The following SPAG16 variants were observed in gnomAD, a reference collection of about 807,000 sequenced individuals.
SPAG16 encodes the protein sperm associated antigen 16.
A neutral mutation model predicts 80.4 loss-of-function variants in SPAG16; 86 were observed. The observed-to-expected ratio is 1.07, with a 90% CI of 0.90 to 1.28. SPAG16 has a LOEUF of 1.28. Ranked by LOEUF, SPAG16 falls within the 50% of genes most tolerant of loss-of-function variation. The pLI, the probability that SPAG16 is intolerant of heterozygous loss-of-function variation, is 0.00. For missense variants in SPAG16, 870 were observed against 765.3 expected, an observed-to-expected ratio of 1.14 and a Z score of -1.61; for synonymous variants, 294 against 265.9, an observed-to-expected ratio of 1.11 and a Z score of -1.03.
At chr2:213,723,356 C>G (rs896680994) in intron 10 of SPAG16, among the ~76,000 whole-genome samples, 2 of 152,164 alleles carry the variant, frequency 1.3e-5, no homozygotes, top group Admixed American at 6.5e-5. Flanking sequence ...AGGGTAAAAT[C>G]TTAGGAAACC....
At chr2:214,050,946 G>A (rs546792564) in intron 13 of SPAG16, among the ~76,000 whole-genome samples, 44 of 152,284 alleles carry the variant, frequency 2.9e-4, no homozygotes, top group African/African-American at 7.5e-4. Context: ...CAACATTATC[G>A]TTGAGTAGAC....
Position 214,149,094 on chromosome 2 carries a change from T to TATAC in SPAG16, c.1594-36_1594-33dup, listed in dbSNP as rs753750903. ...GTGTGTGTGTATATATATATATATA[T>TATAC]ATACATACATACACATTTTATTTTT... On this transcript the variant is annotated intron_variant, in intron 14 of 15. Coordinates refer to ENST00000331683, the MANE Select transcript of SPAG16 (RefSeq NM_024532.5). The TATAC allele has an allele frequency of 5.9e-5, 42 of 706,142 alleles. 1 individual carries two copies. Among genetic ancestry groups the TATAC allele is most frequent in the South Asian group, 1.3e-4 (6 of 44,784 alleles). The allele number at this position is 706,142 out of a possible 1,614,324, so 43.7% of individuals were successfully genotyped here. A position where few individuals can be genotyped will look rare whatever the true frequency, so the allele number is the denominator to read the frequency against.
intron 9 of SPAG16, among the ~76,000 whole-genome samples, chr2:213,428,297 G>A (rs1346271227): frequency 6.6e-6 from 1 of 152,142 alleles, no homozygotes; most frequent in African/African-American, 2.4e-5. Context: ...TACAATCCAG[G>A]CTGTGAGAGA....
intron 10 of SPAG16, among the ~76,000 whole-genome samples, chr2:213,755,026 A>G (rs947287400): frequency 2.0e-5 from 3 of 152,212 alleles, no homozygotes; most frequent in African/African-American, 7.2e-5. Context: ...AGGTACTGAG[A>G]TGTAATATAC....
intron 13 of SPAG16, among the ~76,000 whole-genome samples, chr2:214,044,517 C>T (rs919078364): frequency 1.3e-5 from 2 of 151,976 alleles, no homozygotes; most frequent in Non-Finnish European, 2.9e-5. Flanking sequence ...TCATCCCACC[C>T]ACAAGAACAC....
intron 10 of SPAG16, among the ~76,000 whole-genome samples, chr2:213,764,590 T>C (rs1412533188): frequency 1.3e-5 from 2 of 152,174 alleles, no homozygotes; most frequent in African/African-American, 2.4e-5. Flanking sequence ...TTTATTTATA[T>C]AGCTAAATTG....
intron 15 of SPAG16, among the ~76,000 whole-genome samples, chr2:214,373,331 A>G (rs1699930288): frequency 2.0e-5 from 3 of 152,190 alleles, no homozygotes; most frequent in Admixed American, 1.3e-4. Flanking sequence ...TCATGATGCT[A>G]CTGATTACAT....
intron 13 of SPAG16, among the ~76,000 whole-genome samples, chr2:214,061,396 A>C (rs1039657071): frequency 2.6e-5 from 4 of 152,182 alleles, no homozygotes; most frequent in Non-Finnish European, 4.4e-5. Context: ...TATAGAACCA[A>C]TGGAATGTAT....
intron 10 of SPAG16, among the ~76,000 whole-genome samples, chr2:213,733,253 A>G (rs1383222902): frequency 6.6e-6 from 1 of 150,812 alleles, no homozygotes; most frequent in Non-Finnish European, 1.5e-5. Flanking sequence ...AGTTCCTTAT[A>G]GATGCTGAAT....
chr2:213,738,378 G>C (rs566099478), intron 10 of SPAG16, among the ~76,000 whole-genome samples: 1 of 152,120 alleles, frequency 6.6e-6, no homozygotes, highest in Non-Finnish European at 1.5e-5. Flanking sequence ...CAGTTATTCA[G>C]AAGATAGAGC....
chr2:213,718,666 C>G (rs543612029), intron 10 of SPAG16, among the ~76,000 whole-genome samples: 94 of 152,298 alleles, frequency 6.2e-4, no homozygotes, highest in Admixed American at 1.6e-3. Context: ...ACTGAGTCCC[C>G]CAGCAGTGCT....
intron 15 of SPAG16, among the ~76,000 whole-genome samples, chr2:214,393,594 C>G (rs1701205963): frequency 6.6e-6 from 1 of 151,538 alleles, no homozygotes; most frequent in South Asian, 2.1e-4. Context: ...TTATACATAT[C>G]AAGATCATTT....
At chr2:213,963,889 T>C (rs79735036) in intron 12 of SPAG16, among the ~76,000 whole-genome samples, 4,564 of 152,240 alleles carry the variant, frequency 0.03, 223 homozygotes, top group African/African-American at 0.1. Context: ...TTCCTTTCCC[T>C]ATTCTTTTCA....
chr2:213,690,684 G>A (rs116791326), intron 10 of SPAG16, among the ~76,000 whole-genome samples: 52 of 152,306 alleles, frequency 3.4e-4, no homozygotes, highest in African/African-American at 1.2e-3. Context: ...AGAAGAAGAG[G>A]ATAGGCAGCT....
intron 12 of SPAG16, among the ~76,000 whole-genome samples, chr2:213,964,900 A>T (rs1575668712): frequency 6.6e-6 from 1 of 151,730 alleles, no homozygotes; most frequent in African/African-American, 2.4e-5. Flanking sequence ...CCTTTGTTTA[A>T]TTATTTAAGT....
chr2:213,957,599 T>C (rs2044215806), intron 12 of SPAG16, among the ~76,000 whole-genome samples: 1 of 152,178 alleles, frequency 6.6e-6, no homozygotes, highest in Non-Finnish European at 1.5e-5. Context: ...TTTAAATTAA[T>C]TACTGATGAA....
chr2:214,280,575 T>A (rs891553596), intron 15 of SPAG16: 12 of 198,794 alleles, frequency 6.0e-5, no homozygotes. Context: ...TGGGCAACTG[T>A]TGTTCGTTTT....
chr2:214,214,712 TATA>T (rs1463113630), intron 15 of SPAG16, among the ~76,000 whole-genome samples: 1 of 151,692 alleles, frequency 6.6e-6, no homozygotes, highest in Non-Finnish European at 1.5e-5. Flanking sequence ...AAAAAAAGAA[TATA>T]ATATTATTAA....
chr2:213,805,993 A>G (rs146913319), intron 10 of SPAG16, among the ~76,000 whole-genome samples: 5 of 152,230 alleles, frequency 3.3e-5, no homozygotes, highest in Non-Finnish European at 7.4e-5. Flanking sequence ...TGAAAATTAG[A>G]TATGCTGGAA....
Sources: gnomAD v4.1 joint callset for allele counts (sites outside exome capture counted in the v4.1 genomes callset) on GRCh38, gnomAD v4.1.1 for gene constraint, MANE v1.5 for transcripts, NCBI Gene and HGNC (gene_info 2026-07-23, HGNC 2026-07-21) for gene names.